NEBL: variants seen among roughly 807,000 people sequenced by gnomAD.
The protein encoded by NEBL is LIM and SH3 protein 2.
NEBL carries 122 observed loss-of-function variants against 140.2 expected under a neutral mutation model. The ratio of observed to expected loss-of-function variants is 0.87; its 90% confidence interval spans 0.75 to 1.01. The LOEUF (loss-of-function observed/expected upper bound fraction) is 1.01, where lower values mean the gene tolerates loss of function less well. Ranked by LOEUF, NEBL falls within the 50% of genes least tolerant of loss-of-function variation. The probability of loss-of-function intolerance (pLI) is 0.00; values close to 1 mark genes in which losing one functional copy is unlikely to be tolerated. For missense variants in NEBL, 1,365 were observed against 1,231.3 expected (o/e 1.11, Z -1.62); for synonymous variants, 436 against 398.9 (o/e 1.09, Z -1.11).
chr10:20,997,622 A>G (rs935208941), intron 3 of NEBL, among the ~76,000 whole-genome samples: 2 of 151,994 alleles, frequency 1.3e-5, no homozygotes, highest in Non-Finnish European at 2.9e-5. Context: ...ACAGAAAAGC[A>G]AATTTCTAAT....
At chr10:21,024,160 A>G (rs1838926856) in intron 2 of NEBL, among the ~76,000 whole-genome samples, 1 of 152,014 alleles carries the variant, frequency 6.6e-6, no homozygotes, top group Admixed American at 6.6e-5. Context: ...CTAGCATACT[A>G]TGCAATGTAT....
intron 26 of NEBL, among the ~76,000 whole-genome samples, chr10:20,796,927 C>T (rs1836603567): frequency 6.6e-6 from 1 of 152,126 alleles, no homozygotes. Context: ...GAGCTATCCC[C>T]CAAAACAAGA....
intron 3 of NEBL, among the ~76,000 whole-genome samples, chr10:21,221,518 T>C (rs75897693): frequency 0.013 from 1,727 of 129,812 alleles, 17 homozygotes; most frequent in Non-Finnish European, 0.017. Flanking sequence ...TTCTTTCTTT[T>C]TTTTTTGACA....
chr10:20,800,122 C>T (rs1376618510), intron 26 of NEBL, among the ~76,000 whole-genome samples: 1 of 152,028 alleles, frequency 6.6e-6, no homozygotes, highest in Admixed American at 6.6e-5. Context: ...TGAGTTACAA[C>T]TCCCCATCCC....
At chr10:20,814,678 A>C (rs1399702402) in intron 22 of NEBL, among the ~76,000 whole-genome samples, 2 of 151,964 alleles carry the variant, frequency 1.3e-5, no homozygotes, top group Non-Finnish European at 2.9e-5. Context: ...AGAAAATCCA[A>C]AACTATTAAA....
chr10:21,027,311 AC>A (rs1161236606), intron 2 of NEBL, among the ~76,000 whole-genome samples: 137 of 139,664 alleles, frequency 9.8e-4, no homozygotes, highest in African/African-American at 2.1e-3. Context: ...TAAAAAAAAA[AC>A]AACAACTTTT....
intron 2 of NEBL, chr10:21,029,082 T>C (rs1408773647): frequency 3.5e-6 from 4 of 1,155,116 alleles, no homozygotes; most frequent in South Asian, 1.2e-5. Flanking sequence ...GGGGGACTGG[T>C]GGAGGAAGCA....
intron 26 of NEBL, among the ~76,000 whole-genome samples, chr10:20,793,891 G>A (rs1310620897): frequency 3.3e-5 from 5 of 152,094 alleles, no homozygotes; most frequent in African/African-American, 4.8e-5. Flanking sequence ...GCCACAATGC[G>A]GACCTACCGA....
In NEBL at chr10:20,785,436, A is replaced by T; in HGVS notation, c.*311T>A. 1 of 380,254 alleles carries T rather than the reference A, an allele frequency of 2.6e-6. No individual in the cohort carries two copies. The highest frequency in any genetic ancestry group is 2.6e-5 in the South Asian group (1 of 38,772). The allele number at this position is 380,254 out of a possible 1,614,324, so 23.6% of individuals were successfully genotyped here. The stretch of plus-strand genomic sequence containing the variant: ...ACACACTACATTTAAGGGACAATCA[A>T]CTTCTCTATTAAAGTCTACAAAAAT... On this transcript the variant is annotated 3_prime_UTR_variant, in exon 28 of 28. Transcript: ENST00000377122.
intron 2 of NEBL, among the ~76,000 whole-genome samples, chr10:21,043,256 C>T (rs1351981343): frequency 6.6e-6 from 1 of 152,200 alleles, no homozygotes; most frequent in East Asian, 1.9e-4. Context: ...TGATACTTTT[C>T]TTTTTTTCAA....
intron 4 of NEBL, among the ~76,000 whole-genome samples, chr10:20,933,131 A>G (rs1834280615): frequency 6.6e-6 from 1 of 152,242 alleles, no homozygotes; most frequent in South Asian, 2.1e-4. Flanking sequence ...TTCTGTGGGC[A>G]TGAACTGGGG....
chr10:21,046,970 A>T (rs1322016505), intron 2 of NEBL, among the ~76,000 whole-genome samples: 1 of 152,102 alleles, frequency 6.6e-6, no homozygotes, highest in Non-Finnish European at 1.5e-5. Context: ...TCCATTTTGG[A>T]TGGGGAAAAA....
intron 3 of NEBL, among the ~76,000 whole-genome samples, chr10:20,990,539 A>G (rs1311529740): frequency 6.6e-6 from 1 of 152,194 alleles, no homozygotes; most frequent in African/African-American, 2.4e-5. Context: ...TGGCCCCTTG[A>G]TCTTGGACTT....
intron 21 of NEBL, among the ~76,000 whole-genome samples, chr10:20,817,162 A>C (rs1486571540): frequency 2.0e-5 from 3 of 152,106 alleles, no homozygotes; most frequent in African/African-American, 7.2e-5. Context: ...GCCGGATTGC[A>C]TGAGCTCAGG....
upstream of NEBL, chr10:20,897,488 G>T: frequency 1.7e-6 from 2 of 1,159,880 alleles, no homozygotes; most frequent in African/African-American, 1.6e-5. Flanking sequence ...TTTTCCACTG[G>T]TTAAGAAATC....
intron 3 of NEBL, among the ~76,000 whole-genome samples, chr10:21,006,443 A>G (rs749817773): frequency 6.6e-6 from 1 of 152,188 alleles, no homozygotes; most frequent in Non-Finnish European, 1.5e-5. Flanking sequence ...TTGTGCTTAG[A>G]AGGCAGGGAG....
At chr10:20,949,996 T>G (rs1395765559) in intron 4 of NEBL, among the ~76,000 whole-genome samples, 1 of 152,210 alleles carries the variant, frequency 6.6e-6, no homozygotes, top group African/African-American at 2.4e-5. Flanking sequence ...GTATGACTCG[T>G]GTTCAATTCC....
intron 5 of NEBL, 63 bp from the exon 6 acceptor site, chr10:20,869,904 T>C (rs1190405258): frequency 1.1e-5 from 12 of 1,054,194 alleles, no homozygotes; most frequent in Non-Finnish European, 1.8e-5. Flanking sequence ...GCTACTAGTC[T>C]TAGTGTTCAT....
At chr10:20,819,563 C>A (rs71578951) in intron 19 of NEBL, 47 bp from the exon 20 acceptor site, 11 of 1,606,886 alleles carry the variant, frequency 6.8e-6, no homozygotes, top group Non-Finnish European at 9.4e-6. Flanking sequence ...GAAATAAATA[C>A]GTCCCAAAAC....
Sources: allele counts gnomAD v4.1 joint callset (sites outside exome capture counted in the v4.1 genomes callset), GRCh38; gene constraint gnomAD v4.1.1; transcripts MANE v1.5; gene names NCBI Gene and HGNC (gene_info 2026-07-23, HGNC 2026-07-21).